KCNN2: variants seen among roughly 807,000 people sequenced by gnomAD.
KCNN2 encodes the protein potassium calcium-activated channel subfamily N member 2.
A neutral mutation model predicts 55.5 loss-of-function variants in KCNN2; 24 were observed. The ratio of observed to expected loss-of-function variants is 0.43; its 90% CI spans 0.31 to 0.61. KCNN2 has a LOEUF of 0.61. Among genes scored for constraint, KCNN2 ranks in the 20% least tolerant of loss-of-function variants. KCNN2 has a pLI of 0.08. For missense variants in KCNN2, 754 were observed against 853.6 expected (o/e 0.88, Z 1.45); for synonymous variants, 431 against 336.1 (o/e 1.28, Z -3.09).
chr5:114,150,833 C>T (rs936898997), intron 1 of KCNN2, among the ~76,000 whole-genome samples: 1 of 152,144 alleles, frequency 6.6e-6, no homozygotes, highest in Admixed American at 6.5e-5. Context: ...ACCAGCCTGA[C>T]CAACATGGAG....
chr5:114,145,759 A>G (rs112902680), intron 1 of KCNN2, among the ~76,000 whole-genome samples: 2,067 of 152,162 alleles, frequency 0.014, 42 homozygotes, highest in African/African-American at 0.046. Flanking sequence ...TAGGCCCAAT[A>G]TGTATAGTTT....
chr5:114,177,604 C>T (rs554923006), intron 1 of KCNN2, among the ~76,000 whole-genome samples: 2 of 146,318 alleles, frequency 1.4e-5, no homozygotes, highest in East Asian at 2.0e-4. Flanking sequence ...ATGAAATACA[C>T]CATACAAAAC....
chr5:114,097,252 G>GT (rs1751276602), intron 1 of KCNN2, among the ~76,000 whole-genome samples: 2 of 152,180 alleles, frequency 1.3e-5, no homozygotes, highest in Admixed American at 6.5e-5. Flanking sequence ...AAGTAATCAT[G>GT]GTTGGGGAGG....
intron 2 of KCNN2, among the ~76,000 whole-genome samples, chr5:114,301,197 G>C (rs935007522): frequency 6.6e-6 from 1 of 151,986 alleles, no homozygotes; most frequent in East Asian, 1.9e-4. Context: ...TTGAATTGCA[G>C]ATTTACTGTT....
At chr5:114,281,935 A>T (rs1490745586) in intron 2 of KCNN2, among the ~76,000 whole-genome samples, 1 of 151,958 alleles carries the variant, frequency 6.6e-6, no homozygotes, top group African/African-American at 2.4e-5. Flanking sequence ...TTTTTCTGGA[A>T]AGTCACCCAT....
At chr5:114,381,797 G>T (rs1356353447) in intron 2 of KCNN2, among the ~76,000 whole-genome samples, 1 of 152,160 alleles carries the variant, frequency 6.6e-6, no homozygotes, top group Non-Finnish European at 1.5e-5. Flanking sequence ...ACCTTCTCAA[G>T]GACAGTTACA....
intron 5 of KCNN2, among the ~76,000 whole-genome samples, chr5:114,477,504 A>G (rs529342270): frequency 1.3e-5 from 2 of 152,326 alleles, no homozygotes; most frequent in African/African-American, 4.8e-5. Flanking sequence ...CTGCAATTCA[A>G]AAATGGCCGA....
At chr5:114,396,513 A>G (rs1288319342) in intron 2 of KCNN2, among the ~76,000 whole-genome samples, 1 of 150,840 alleles carries the variant, frequency 6.6e-6, no homozygotes, top group African/African-American at 2.4e-5. Flanking sequence ...TATATCATGT[A>G]TGTAATAAGC....
At chr5:114,489,953 A>G (rs375730920) in intron 6 of KCNN2, among the ~76,000 whole-genome samples, 4 of 152,202 alleles carry the variant, frequency 2.6e-5, no homozygotes, top group African/African-American at 7.2e-5. Flanking sequence ...CTCTGCTTCT[A>G]CCAGTCCATG....
chr5:114,169,014 G>T (rs956708424), intron 1 of KCNN2, among the ~76,000 whole-genome samples: 2 of 152,074 alleles, frequency 1.3e-5, no homozygotes, highest in Non-Finnish European at 2.9e-5. Context: ...GTTCTCACAA[G>T]ATCTGGTTGT....
chr5:114,362,468 C>G lies in KCNN2; in HGVS notation c.329C>G (p.Ser110Trp). ...CGCACCTCCTCGCCGCTGTCGGGCTCGTCCTGCTGCTGCTGCTGCTGCTCG... is the reference window on the plus strand; with the variant it reads ...CGCACCTCCTCGCCGCTGTCGGGCTGGTCCTGCTGCTGCTGCTGCTGCTCG... ...RTRTSSPLSGSSCCCCCCSSR... is the reference protein window; with the variant it reads ...RTRTSSPLSGWSCCCCCCSSR... The change falls in exon 1 of 8, where the codon TCG becomes TGG. Residue 110 changes from serine (S) to tryptophan (W), a missense_variant. Around this residue, in one of 4 missense-constraint regions of KCNN2, gnomAD observed 381 missense variants for 259.1 expected, o/e 1.47. Coordinates refer to ENST00000673685, the MANE Select transcript of KCNN2 (RefSeq NM_021614.4). 2.3e-6 allele frequency: 1 copy of G among 438,396 alleles called. No homozygotes were observed. The highest frequency in any genetic ancestry group is 4.0e-6 in the Non-Finnish European group (1 of 249,678). 27.2% of individuals were successfully genotyped at this position (438,396 alleles called of 1,614,324 possible).
intron 1 of KCNN2, among the ~76,000 whole-genome samples, chr5:114,212,111 G>A (rs965390721): frequency 6.6e-6 from 1 of 151,714 alleles, no homozygotes; most frequent in East Asian, 1.9e-4. Flanking sequence ...AGAAACATTT[G>A]GTGAAACCAC....
intron 1 of KCNN2, among the ~76,000 whole-genome samples, chr5:114,108,407 A>G (rs888474437): frequency 2.6e-5 from 4 of 152,086 alleles, no homozygotes; most frequent in African/African-American, 7.2e-5. Context: ...CAATTTATGC[A>G]TAGTGAATTA....
intron 1 of KCNN2, among the ~76,000 whole-genome samples, chr5:114,079,632 G>A (rs1443588260): frequency 6.6e-6 from 1 of 152,082 alleles, no homozygotes; most frequent in Non-Finnish European, 1.5e-5. Flanking sequence ...GTAGAACGTA[G>A]AACAATACTG....
intron 2 of KCNN2, among the ~76,000 whole-genome samples, chr5:114,226,916 A>G (rs1168048373): frequency 6.6e-6 from 1 of 151,910 alleles, no homozygotes; most frequent in East Asian, 1.9e-4. Context: ...AAAAAAAAAA[A>G]AAAAAGAAAT....
chr5:114,476,555 A>C (rs1444436039), intron 5 of KCNN2, among the ~76,000 whole-genome samples: 1 of 151,458 alleles, frequency 6.6e-6, no homozygotes, highest in Non-Finnish European at 1.5e-5. Flanking sequence ...AATAGCTGGG[A>C]TTACAGGCAT....
At chr5:114,360,450 C>G (rs1036216857), upstream of KCNN2, among the ~76,000 whole-genome samples, 1 of 152,078 alleles carries the variant, frequency 6.6e-6, no homozygotes, top group African/African-American at 2.4e-5. Flanking sequence ...AGGTCTAACT[C>G]GTTGTAATAG....
intron 2 of KCNN2, among the ~76,000 whole-genome samples, chr5:114,328,775 A>T (rs1411564379): frequency 1.3e-5 from 2 of 152,152 alleles, no homozygotes; most frequent in African/African-American, 4.8e-5. Context: ...TCCCAGCTAG[A>T]TTATTGTTTA....
intron 5 of KCNN2, among the ~76,000 whole-genome samples, chr5:114,480,878 G>A (rs1272417378): frequency 6.6e-6 from 1 of 152,098 alleles, no homozygotes; most frequent in Admixed American, 6.6e-5. Flanking sequence ...AAAATAATAA[G>A]AGCCGTCTAT....
Sources: allele counts gnomAD v4.1 joint callset (sites outside exome capture counted in the v4.1 genomes callset), GRCh38; gene constraint gnomAD v4.1.1; regional missense constraint gnomAD v4.1.1; transcripts MANE v1.5; gene names NCBI Gene and HGNC (gene_info 2026-07-23, HGNC 2026-07-21).